The following KREMEN2 variants were observed in gnomAD, a reference collection of about 807,000 sequenced individuals.
KREMEN2 encodes kremen protein 2.
A neutral mutation model predicts 49.8 loss-of-function variants in KREMEN2; 43 were observed. The observed-to-expected ratio is 0.86, with a 90% CI of 0.68 to 1.11. The LOEUF is 1.11. KREMEN2 is among the 50% of genes most tolerant of loss of function. The pLI is 0.00. For missense variants in KREMEN2, 686 were observed against 665.7 expected, an observed-to-expected ratio of 1.03 and a Z score of -0.34; for synonymous variants, 355 against 304.9, an observed-to-expected ratio of 1.16 and a Z score of -1.71.
At chr16:2,964,818 C>T (rs1001247656) in intron 1 of KREMEN2, 41 bp from the exon 2 acceptor site, 2 of 1,594,160 alleles carry the variant, frequency 1.3e-6, no homozygotes, top group Non-Finnish European at 1.7e-6. Flanking sequence ...GGATGCCCGG[C>T]GTGGGTCCGG....
Position 2,967,349 on chromosome 16 carries a change from G to A in KREMEN2, c.1003G>A (p.Ala335Thr). The A allele has an allele frequency of 7.1e-7, 1 of 1,408,656 alleles. No homozygotes were observed. The highest frequency in any genetic ancestry group is 3.3e-5 in the Admixed American group (1 of 29,916). The allele number at this position is 1,408,656 out of a possible 1,614,324, so 87.3% of individuals were successfully genotyped here. The change falls in exon 7 of 9, where the codon GCC becomes ACC. Residue 335 changes from alanine to threonine, a missense_variant. Physicochemically the swap from Ala to Thr is moderately conservative, Grantham distance 58. Transcript: ENST00000303746. ...GLQDAAEDPE[A>T]PEGSAQTPAA... ...GCAGGACGCCGCTGAGGACCCAGAG[G>A]CCCCCGAGGGCTCGGCCCAGACCCC...
intron 8 of KREMEN2, 26 bp downstream of exon 8, chr16:2,967,630 A>C: frequency 6.5e-7 from 1 of 1,532,368 alleles, no homozygotes; most frequent in Non-Finnish European, 8.7e-7. Flanking sequence ...GCAGGGCCTG[A>C]GGGCGGACCG....
rs924025107 is a variant in KREMEN2, at chr16:2,966,452, A to G, written c.486+3A>G. On this transcript the variant is annotated splice_donor_region_variant and intron_variant, in intron 4 of 8. Coordinates refer to ENST00000303746, the MANE Select transcript of KREMEN2 (RefSeq NM_172229.3). This position sits in a 1 kb window ranked among gnomAD's most constrained non-coding sequence, Gnocchi z 8.4. ...TCTGCCGCATGAAGGGGTACCAGGT[A>G]CTGCTCACGGGCCCAGACCAGTGAC... is the stretch of plus-strand genomic sequence containing the variant. 6.2e-7 allele frequency: 1 copy of G among 1,610,098 alleles called. No individual in the cohort carries two copies. Among genetic ancestry groups the G allele is most frequent in the Non-Finnish European group, 8.5e-7 (1 of 1,179,832 alleles).
rs2151056613 is a variant in KREMEN2 at position 2,967,017 on chromosome 16, GGCC to G, written c.749_751del (p.Gly250_Pro251delinsAla). 1 of 1,546,636 alleles carries G rather than the reference GGCC, an allele frequency of 6.5e-7. No homozygotes were observed. The highest frequency in any genetic ancestry group is 1.4e-5 in the African/African-American group (1 of 72,796). On this transcript the variant is annotated inframe_deletion, in exon 6 of 9. Coordinates refer to ENST00000303746, the MANE Select transcript of KREMEN2 (RefSeq NM_172229.3). ...GGACCGGAACTGCAGCTGGGCCCTGGGCCCGCCAGGCGCCGCGCTGGAGCTCAC... is the reference window on the plus strand; with the variant it reads ...GGACCGGAACTGCAGCTGGGCCCTGGCGCCAGGCGCCGCGCTGGAGCTCAC...
Position 2,967,426 on chromosome 16 carries a change from T to A in KREMEN2, c.1080T>A (p.Ala360=). 7.1e-7 allele frequency: 1 copy of A among 1,400,550 alleles called. No homozygotes were observed. The highest frequency in any genetic ancestry group is 1.6e-5 in the South Asian group (1 of 63,858). The allele number at this position is 1,400,550 out of a possible 1,614,324, so 86.8% of individuals were successfully genotyped here. Residue 360 remains alanine, a synonymous_variant, in exon 7 of 9, where the codon GCT becomes GCA. Coordinates refer to ENST00000303746, the MANE Select transcript of KREMEN2 (RefSeq NM_172229.3). Reference sequence around the variant, plus strand: ...TGAGCTGCAGCCCCAGGCCTGGGGCTCCGCCGGCCGCGATTGGGGGTGAGG... The same window carrying A: ...TGAGCTGCAGCCCCAGGCCTGGGGCACCGCCGGCCGCGATTGGGGGTGAGG... ...ANVSCSPRPG[A]PPAAIGARVF...
chr16:2,967,614 G>T lies in KREMEN2; in HGVS notation c.1178+10G>T, dbSNP rs1259303612. 15 of 1,529,162 alleles carry T rather than the reference G, an allele frequency of 9.8e-6. No individual in the cohort carries two copies. Among genetic ancestry groups the T allele is most frequent in the African/African-American group, 2.8e-5 (2 of 72,726 alleles). The allele number at this position is 1,529,162 out of a possible 1,614,324, so 94.7% of individuals were successfully genotyped here. On this transcript the variant is annotated intron_variant, in intron 8 of 8. Transcript: ENST00000303746. Reference sequence around the variant, plus strand: ...GTCCGCTGCGCCGACGGTGCGGGGCGCTGGGGCAGGGCCTGAGGGCGGACC... The same window carrying T: ...GTCCGCTGCGCCGACGGTGCGGGGCTCTGGGGCAGGGCCTGAGGGCGGACC...
rs753607507 is a variant in KREMEN2, at chr16:2,966,733, A to G, written c.578A>G (p.Gln193Arg). 3.7e-6 allele frequency: 6 copies of G among 1,612,070 alleles called. 1 individual carries two copies. In the Middle Eastern group the frequency reaches 8.2e-4, roughly 222 times the overall value. Reference protein sequence around the residue: ...GRLAPATDCDQICFGHPGQLC... With the variant: ...GRLAPATDCDRICFGHPGQLC... ...CTGGCCCCCGCCACCGACTGTGACC[A>G]GATCTGTTTCGGCCACCCTGGACAG... The change falls in exon 5 of 9, where the codon CAG becomes CGG. Residue 193 changes from glutamine (Q) to arginine (R), a missense_variant. Gln to Arg is a conservative substitution (Grantham distance 43). Transcript: ENST00000303746. This position sits in a 1 kb window ranked among gnomAD's most constrained non-coding sequence, Gnocchi z 8.4.
chr16:2,964,809 G>A (rs781165348), intron 1 of KREMEN2, 50 bp from the exon 2 acceptor site: 3 of 1,589,466 alleles, frequency 1.9e-6, no homozygotes, highest in South Asian at 1.1e-5. Context: ...GGGGCGCGAG[G>A]ATGCCCGGCG....
chr16:2,966,139 G>A lies in KREMEN2; in HGVS notation c.270-1G>A. 6.2e-7 allele frequency: 1 copy of A among 1,611,752 alleles called. No homozygotes were observed. Among genetic ancestry groups the A allele is most frequent in the Non-Finnish European group, 8.5e-7 (1 of 1,179,866 alleles). The stretch of plus-strand genomic sequence containing the variant: ...CCCCACCACCTCCCTCCCACCCGCA[G>A]TAACCCAGACGGTGACGTGCAGCCG... On this transcript the variant is annotated splice_acceptor_variant, in intron 2 of 8. Coordinates refer to ENST00000303746, the MANE Select transcript of KREMEN2 (RefSeq NM_172229.3). LOFTEE classifies it high-confidence loss of function. The surrounding 1 kb of genome is among the most constrained non-coding windows in gnomAD (Gnocchi z 8.4).
chr16:2,964,367 T>G lies in KREMEN2; in HGVS notation c.-154T>G. 1 of 563,430 alleles carries G rather than the reference T, an allele frequency of 1.8e-6. No individual in the cohort carries two copies. The highest frequency in any genetic ancestry group is 3.1e-6 in the Non-Finnish European group (1 of 318,818). 34.9% of individuals were successfully genotyped at this position (563,430 alleles called of 1,614,324 possible). On this transcript the variant is annotated 5_prime_UTR_variant, in exon 1 of 9. The change creates a new upstream start codon in the 5' untranslated region. Transcript: ENST00000303746. The stretch of plus-strand genomic sequence containing the variant: ...GGAGGCAAAGACCCCCAGGAGAGAT[T>G]TACCCACCCCAGACGGAAAGCGCGG...
rs1223496919 is a variant in KREMEN2, at chr16:2,967,990, C to T, written c.1359C>T (p.Ser453=). 2 of 1,576,030 alleles carry T rather than the reference C, an allele frequency of 1.3e-6. No individual in the cohort carries two copies. Among genetic ancestry groups the T allele is most frequent in the Non-Finnish European group, 1.7e-6 (2 of 1,166,930 alleles). Residue 453 remains serine (S), a synonymous_variant, in exon 9 of 9, where the codon AGC becomes AGT. Coordinates refer to ENST00000303746, the MANE Select transcript of KREMEN2 (RefSeq NM_172229.3). The part of the protein sequence containing the change: ...GYRPLSASSQ[S]SLRSLISAL ...GGCCTCTGAGTGCCTCCAGCCAGAG[C>T]TCCCTGCGCTCGCTCATCTCCGCTC...
chr16:2,968,174 C>A lies in KREMEN2; in HGVS notation c.*154C>A. 3 of 946,596 alleles carry A rather than the reference C, an allele frequency of 3.2e-6. No individual in the cohort carries two copies. Among genetic ancestry groups the A allele is most frequent in the Non-Finnish European group, 4.8e-6 (3 of 619,664 alleles). 58.6% of individuals were successfully genotyped at this position (946,596 alleles called of 1,614,324 possible). ...AAAGTCGGACAGGAAACATCTGGTG[C>A]TATTATCTGGGACTTGGCCTGACCG... On this transcript the variant is annotated 3_prime_UTR_variant, in exon 9 of 9. Transcript: ENST00000303746.
rs749381067 is a variant in KREMEN2 at position 2,966,490 on chromosome 16, C to T, written c.486+41C>T. ...CCAGACCAGTGACCCCTGACCTGGA[C>T]CTAAAGACCACACTCAACTCCCAAC... is the stretch of plus-strand genomic sequence containing the variant. On this transcript the variant is annotated intron_variant, in intron 4 of 8. Coordinates refer to ENST00000303746, the MANE Select transcript of KREMEN2 (RefSeq NM_172229.3). The surrounding 1 kb of genome is among the most constrained non-coding windows in gnomAD (Gnocchi z 8.4). 1.2e-6 allele frequency: 2 copies of T among 1,603,814 alleles called. No homozygotes were observed. The highest frequency in any genetic ancestry group is 2.3e-4 in the Middle Eastern group (1 of 4,426).
In KREMEN2 at chr16:2,966,360, G is replaced by A; in HGVS notation, c.397G>A (p.Ala133Thr). 1 of 1,611,794 alleles carries A rather than the reference G, an allele frequency of 6.2e-7. No individual in the cohort carries two copies. Among genetic ancestry groups the A allele is most frequent in the Non-Finnish European group, 8.5e-7 (1 of 1,179,986 alleles). ...CCTGGGATGCTTTGTGGACTCAGGG[G>A]CACCCCCAGCCCTCAGCGGCCCCAG... ...GYLGCFVDSGAPPALSGPSGT... is the reference protein window; with the variant it reads ...GYLGCFVDSGTPPALSGPSGT... Residue 133 changes from alanine (A) to threonine (T), a missense_variant, in exon 4 of 9, where the codon GCA (alanine) becomes ACA (threonine). Transcript: ENST00000303746. This position sits in a 1 kb window ranked among gnomAD's most constrained non-coding sequence, Gnocchi z 8.4.
rs1416053000 is a variant in KREMEN2, at chr16:2,964,894, T to A, written c.130T>A (p.Tyr44Asn). ...SECFQVNGAD[Y>N]RGHQNRTGPR... ...ATGCTTCCAGGTGAATGGGGCTGAC[T>A]ACCGCGGCCACCAGAACCGCACTGG... is the stretch of plus-strand genomic sequence containing the variant. The change falls in exon 2 of 9, where the codon TAC (tyrosine) becomes AAC (asparagine). Residue 44 changes from tyrosine (Y) to asparagine (N), a missense_variant. By Grantham distance (143) the Tyr-to-Asn change is moderately radical (BLOSUM62 -2). Transcript: ENST00000303746. 6.2e-7 allele frequency: 1 copy of A among 1,610,364 alleles called. No homozygotes were observed. The highest frequency in any genetic ancestry group is 8.5e-7 in the Non-Finnish European group (1 of 1,178,894).
Position 2,964,638 on chromosome 16 carries a change from G to A in KREMEN2, c.94+24G>A, listed in dbSNP as rs1461040145. ...AGGTAAGTCCCCGCACGGCTGTCGG[G>A]CCGTGTTCACCACCCCTTCCTCGGC... On this transcript the variant is annotated intron_variant, in intron 1 of 8. Coordinates refer to ENST00000303746, the MANE Select transcript of KREMEN2 (RefSeq NM_172229.3). 1.9e-5 allele frequency: 30 copies of A among 1,558,194 alleles called. No individual in the cohort carries two copies. In the South Asian group the frequency reaches 3.2e-4, roughly 17 times the overall value.
At position 2,966,606 on chromosome 16, in the gene KREMEN2, G is replaced by A; in HGVS notation, c.487-36G>A. 1 of 1,597,444 alleles carries A rather than the reference G, an allele frequency of 6.3e-7. No individual in the cohort carries two copies. The highest frequency in any genetic ancestry group is 8.5e-7 in the Non-Finnish European group (1 of 1,175,870). On this transcript the variant is annotated intron_variant, in intron 4 of 8. Coordinates refer to ENST00000303746, the MANE Select transcript of KREMEN2 (RefSeq NM_172229.3). This position sits in a 1 kb window ranked among gnomAD's most constrained non-coding sequence, Gnocchi z 8.4. ...CCCCCACCACTTCACCCCTACCCCA[G>A]CCCCTGCCCTGGGGTCACCCAGTCT...
At position 2,966,505 on chromosome 16, in the gene KREMEN2, C is replaced by G; in HGVS notation, c.486+56C>G. The G allele has an allele frequency of 1.2e-6, 2 of 1,600,492 alleles. No homozygotes were observed. The highest frequency in any genetic ancestry group is 1.7e-6 in the Non-Finnish European group (2 of 1,176,072). The stretch of plus-strand genomic sequence containing the variant: ...CTGACCTGGACCTAAAGACCACACT[C>G]AACTCCCAACACTCGGTTGCCAAAC... On this transcript the variant is annotated intron_variant, in intron 4 of 8. Coordinates refer to ENST00000303746, the MANE Select transcript of KREMEN2 (RefSeq NM_172229.3). The surrounding 1 kb of genome is among the most constrained non-coding windows in gnomAD (Gnocchi z 8.4).
At position 2,966,977 on chromosome 16, in the gene KREMEN2, G is replaced by C. The variant is rs776086734; in HGVS notation, c.708G>C (p.Pro236=). The change falls in exon 6 of 9, where the codon CCG becomes CCC. Residue 236 remains proline (P), a synonymous_variant. Coordinates refer to ENST00000303746, the MANE Select transcript of KREMEN2 (RefSeq NM_172229.3). This position sits in a 1 kb window ranked among gnomAD's most constrained non-coding sequence, Gnocchi z 8.4. ...PQGVIYSPDF[P]DEYGPDRNCS... is the part of the protein sequence containing the mutation. ...GCGTCATCTACTCCCCGGACTTCCCGGACGAGTACGGGCCGGACCGGAACT... is the reference window on the plus strand; with the variant it reads ...GCGTCATCTACTCCCCGGACTTCCCCGACGAGTACGGGCCGGACCGGAACT... 8.4e-6 allele frequency: 13 copies of C among 1,555,024 alleles called. No individual in the cohort carries two copies. The South Asian group carries it at 1.2e-4, about 14-fold the overall frequency.
Sources: gnomAD v4.1 joint callset for allele counts on GRCh38, gnomAD v4.1.1 for gene constraint, Gnocchi (gnomAD v3.1) non-coding constraint, MANE v1.5 for transcripts, NCBI Gene and HGNC (gene_info 2026-07-23, HGNC 2026-07-21) for gene names.